Variants in CDK15 observed in about 807,000 individuals in gnomAD.
CDK15 encodes cyclin dependent kinase 15.
CDK15 carries 62 observed loss-of-function variants against 60.3 expected under a neutral mutation model. The ratio of observed to expected loss-of-function variants is 1.03; its 90% confidence interval spans 0.84 to 1.27. CDK15 has a LOEUF of 1.27. Ranked by LOEUF, CDK15 falls within the 50% of genes most tolerant of loss-of-function variation. The pLI is 0.00. For missense variants in CDK15, 541 were observed against 527.8 expected, an observed-to-expected ratio of 1.03 and a Z score of -0.25; for synonymous variants, 194 against 195.7, an observed-to-expected ratio of 0.99 and a Z score of 0.07.
At chr2:201,865,892 CAAAAAAAAAA>C (rs35178158) in intron 10 of CDK15, among the ~76,000 whole-genome samples, 2 of 40,092 alleles carry the variant, frequency 5.0e-5, no homozygotes, top group Non-Finnish European at 1.1e-4. Context: ...TCCATCTCAA[CAAAAAAAAAA>C]AAAAAAAAAA....
chr2:201,841,067 G>A (rs556452167), intron 8 of CDK15, among the ~76,000 whole-genome samples: 1 of 152,068 alleles, frequency 6.6e-6, no homozygotes, highest in South Asian at 2.1e-4. Flanking sequence ...AACTTTCTGT[G>A]ATGCATTCTG....
In CDK15 at chr2:201,862,784, G is replaced by A. The variant is rs373122307; in HGVS notation, c.1009+7847G>A. ...GTTGGACTCCAAGTGGGTCGTAGCC[G>A]TATTCCACTTTACCTTAATTATCAA... is the stretch of plus-strand genomic sequence containing the variant. On this transcript the variant is annotated intron_variant, in intron 10 of 13. Coordinates refer to ENST00000652192, the MANE Select transcript of CDK15 (RefSeq NM_001366386.2). Among the ~76,000 whole-genome samples, 17 of 152,232 alleles carry A rather than the reference G, an allele frequency of 1.1e-4. No homozygotes were observed. The South Asian group carries it at 1.9e-3, about 17-fold the overall frequency.
At chr2:201,861,932 G>A (rs925058698) in intron 10 of CDK15, among the ~76,000 whole-genome samples, 2 of 152,206 alleles carry the variant, frequency 1.3e-5, no homozygotes, top group Admixed American at 6.5e-5. Flanking sequence ...ACAGGTGTGT[G>A]AGAACTGATG....
At chr2:201,870,667 T>C (rs1291454217) in intron 10 of CDK15, among the ~76,000 whole-genome samples, 1 of 152,170 alleles carries the variant, frequency 6.6e-6, no homozygotes, top group Non-Finnish European at 1.5e-5. Flanking sequence ...AGTTCCAGGC[T>C]GCAATGAGCC....
intron 12 of CDK15, among the ~76,000 whole-genome samples, chr2:201,884,578 A>T (rs1019783152): frequency 1.3e-5 from 2 of 152,146 alleles, no homozygotes; most frequent in African/African-American, 2.4e-5. Context: ...TCCTTAATAT[A>T]TTGGAAGGTC....
In CDK15 at chr2:201,889,910, T is replaced by C. The variant is rs1018206587; in HGVS notation, c.1199-875T>C. 2.0e-5 allele frequency among the ~76,000 whole-genome samples: 3 copies of C among 151,758 alleles called. No homozygotes were observed. The East Asian group carries it at 5.8e-4, about 30-fold the overall frequency. ...ATTAAAAATACAAAAATTAGCCAGA[T>C]GTGGTGATGCTTGCCTGTAGTCCCA... is the stretch of plus-strand genomic sequence containing the variant. On this transcript the variant is annotated intron_variant, in intron 12 of 13. Transcript: ENST00000652192.
At chr2:201,850,447 G>A (rs1263103236) in intron 9 of CDK15, among the ~76,000 whole-genome samples, 1 of 152,026 alleles carries the variant, frequency 6.6e-6, no homozygotes, top group Non-Finnish European at 1.5e-5. Context: ...ACTCACAATG[G>A]GCTAGGTACT....
At chr2:201,866,249 G>A (rs1244827401) in intron 10 of CDK15, among the ~76,000 whole-genome samples, 2 of 152,256 alleles carry the variant, frequency 1.3e-5, no homozygotes, top group Non-Finnish European at 2.9e-5. Flanking sequence ...ACCTTAGGGT[G>A]ATTGTGGCAA....
intron 10 of CDK15, among the ~76,000 whole-genome samples, chr2:201,858,604 T>C (rs1224379596): frequency 6.6e-6 from 1 of 152,122 alleles, no homozygotes; most frequent in Non-Finnish European, 1.5e-5. Context: ...TCTCTTGGGA[T>C]AGCTTTCAGA....
At chr2:201,864,506 CG>C (rs1559141046) in intron 10 of CDK15, among the ~76,000 whole-genome samples, 3 of 151,960 alleles carry the variant, frequency 2.0e-5, no homozygotes, top group Non-Finnish European at 4.4e-5. Context: ...TTAGTAGAGA[CG>C]GGGGTTTCAC....
intron 6 of CDK15, among the ~76,000 whole-genome samples, chr2:201,828,494 A>G (rs1469591060): frequency 6.6e-6 from 1 of 152,150 alleles, no homozygotes. Flanking sequence ...TTCAAGAAGG[A>G]GGGTATGGTG....
chr2:201,865,488 T>TA (rs1698583348), intron 10 of CDK15, among the ~76,000 whole-genome samples: 2 of 152,186 alleles, frequency 1.3e-5, no homozygotes, highest in Non-Finnish European at 2.9e-5. Context: ...AGAAAAGTGA[T>TA]ACGCTACAAA....
chr2:201,892,919 A>G (rs990495987), intron 13 of CDK15, among the ~76,000 whole-genome samples: 1 of 152,240 alleles, frequency 6.6e-6, no homozygotes, highest in African/African-American at 2.4e-5. Flanking sequence ...TGTCGGTTTC[A>G]GGCAGGGAAA....
intron 11 of CDK15, among the ~76,000 whole-genome samples, chr2:201,878,256 TA>T (rs1370091797): frequency 6.6e-6 from 1 of 152,198 alleles, no homozygotes; most frequent in Non-Finnish European, 1.5e-5. Context: ...GCATTGTAAG[TA>T]AATGGGAAAC....
chr2:201,882,193 G>A lies in CDK15; in HGVS notation c.1198+2026G>A, dbSNP rs1472624764. On this transcript the variant is annotated intron_variant, in intron 12 of 13. Coordinates refer to ENST00000652192, the MANE Select transcript of CDK15 (RefSeq NM_001366386.2). This position sits in a 1 kb window ranked among gnomAD's most constrained non-coding sequence, Gnocchi z 4.0. ...TGTGTGTATGTGTGTATATGTGTGTGTGCGTATGTGTGTGTGTGTGTGTGA... is the reference window on the plus strand; with the variant it reads ...TGTGTGTATGTGTGTATATGTGTGTATGCGTATGTGTGTGTGTGTGTGTGA... Among the ~76,000 whole-genome samples the A allele has an allele frequency of 6.6e-6, 1 of 151,486 alleles. No homozygotes were observed.
chr2:201,875,467 G>A (rs1227069360), intron 11 of CDK15, among the ~76,000 whole-genome samples: 3 of 152,060 alleles, frequency 2.0e-5, no homozygotes, highest in Non-Finnish European at 1.5e-5. Flanking sequence ...TTTATCCTAA[G>A]GAAATATACA....
intron 12 of CDK15, among the ~76,000 whole-genome samples, chr2:201,881,836 T>C (rs1699289047): frequency 6.6e-6 from 1 of 152,136 alleles, no homozygotes; most frequent in South Asian, 2.1e-4. Context: ...CTTTCTCCTG[T>C]CAGACTTGGG....
Position 201,823,591 on chromosome 2 carries a change from C to A in CDK15, c.544-74C>A. On this transcript the variant is annotated intron_variant, in intron 5 of 13. Coordinates refer to ENST00000652192, the MANE Select transcript of CDK15 (RefSeq NM_001366386.2). ...TCGTAATACCTTCTGACAGTCAAGT[C>A]AATGTTCTGCTTTAGGATGCTATCT... The A allele has an allele frequency of 2.3e-6, 3 of 1,286,622 alleles. No homozygotes were observed. In the South Asian group the frequency reaches 3.6e-5, roughly 15 times the overall value. 79.7% of individuals were successfully genotyped at this position (1,286,622 alleles called of 1,614,324 possible). A position where few individuals can be genotyped will look rare whatever the true frequency, so the allele number is the denominator to read the frequency against.
At chr2:201,852,442 G>T (rs1044913711) in intron 9 of CDK15, among the ~76,000 whole-genome samples, 104 of 152,312 alleles carry the variant, frequency 6.8e-4, no homozygotes, top group Non-Finnish European at 1.0e-4. Flanking sequence ...TGTAGTGTGT[G>T]TGTTTACATC....
Sources: gnomAD v4.1 joint callset for allele counts (sites outside exome capture counted in the v4.1 genomes callset) on GRCh38, gnomAD v4.1.1 for gene constraint, Gnocchi (gnomAD v3.1) non-coding constraint, MANE v1.5 for transcripts, NCBI Gene and HGNC (gene_info 2026-07-23, HGNC 2026-07-21) for gene names.